The following GRB10 variants were observed in gnomAD, a reference collection of about 807,000 sequenced individuals.
The protein encoded by GRB10 is growth factor receptor-bound protein 10.
In GRB10, 20 loss-of-function variants were observed where a neutral mutation model predicts 80.9. The observed-to-expected ratio is 0.25, with a 90% confidence interval of 0.17 to 0.36. GRB10 has a LOEUF of 0.36. Ranked by LOEUF, GRB10 falls within the 10% of genes least tolerant of loss-of-function variation. GRB10 has a pLI of 1.00. For missense variants in GRB10, 548 were observed against 747.7 expected, an observed-to-expected ratio of 0.73 and a Z score of 3.12; for synonymous variants, 291 against 291.5, an observed-to-expected ratio of 1.00 and a Z score of 0.02.
At chr7:50,755,798 C>T (rs562999556) in intron 3 of GRB10, 89 bp downstream of exon 3, 9 of 398,376 alleles carry the variant, frequency 2.3e-5, no homozygotes, top group Admixed American at 1.3e-4. Context: ...TACAGTGACA[C>T]GCATTCACTG....
rs1160464063 is a variant in GRB10, at chr7:50,782,741, G to A, written c.-644C>T. Reference sequence around the variant, plus strand: ...CGCGCCACCGCCCGAGCGTGCCCGGGGGCTCCCAGCGCCATCACCACGCAG... The same window carrying A: ...CGCGCCACCGCCCGAGCGTGCCCGGAGGCTCCCAGCGCCATCACCACGCAG... On this transcript the variant is annotated 5_prime_UTR_variant, in exon 1 of 19. Coordinates refer to ENST00000401949, the MANE Select transcript of GRB10 (RefSeq NM_001350814.2). This position sits in a 1 kb window ranked among gnomAD's most constrained non-coding sequence, Gnocchi z 6.6. 2 of 152,018 alleles carry A rather than the reference G, an allele frequency of 1.3e-5. No homozygotes were observed. The highest frequency in any genetic ancestry group is 2.9e-5 in the Non-Finnish European group (2 of 67,980). The allele number at this position is 152,018 out of a possible 1,614,324, so 9.4% of individuals were successfully genotyped here. A position where few individuals can be genotyped will look rare whatever the true frequency, so the allele number is the denominator to read the frequency against.
chr7:50,667,179 T>A (rs1223092167), intron 7 of GRB10, among the ~76,000 whole-genome samples: 2 of 152,216 alleles, frequency 1.3e-5, no homozygotes, highest in African/African-American at 4.8e-5. Flanking sequence ...TCTCTACTTT[T>A]TCCTCCCGTT....
chr7:50,655,422 T>C (rs2058548209), intron 7 of GRB10, among the ~76,000 whole-genome samples: 2 of 152,180 alleles, frequency 1.3e-5, no homozygotes, highest in South Asian at 2.1e-4. Context: ...TATCTAGAAA[T>C]GACCTGAGCG....
chr7:50,691,060 C>T (rs2062758882), intron 5 of GRB10, among the ~76,000 whole-genome samples: 1 of 152,112 alleles, frequency 6.6e-6, no homozygotes, highest in African/African-American at 2.4e-5. Flanking sequence ...TCCTATCTTC[C>T]TTATTAAGAC....
chr7:50,737,999 C>T (rs933138134), intron 3 of GRB10, among the ~76,000 whole-genome samples: 5 of 152,012 alleles, frequency 3.3e-5, no homozygotes, highest in Admixed American at 6.6e-5. Context: ...TACGAATGGC[C>T]AAAACGCACA....
chr7:50,694,682 C>G, intron 5 of GRB10, among the ~76,000 whole-genome samples: 1 of 152,188 alleles, frequency 6.6e-6, no homozygotes, highest in East Asian at 1.9e-4. Context: ...GGGATGAGAC[C>G]TCAGACTCCC....
chr7:50,623,578 A>G (rs1433617466), intron 8 of GRB10, among the ~76,000 whole-genome samples: 1 of 152,220 alleles, frequency 6.6e-6, no homozygotes, highest in African/African-American at 2.4e-5. Context: ...GGTGACCAGC[A>G]TCTCAGAGGA....
intron 2 of GRB10, among the ~76,000 whole-genome samples, chr7:50,759,191 T>TAAA (rs1450827519): frequency 1.4e-5 from 1 of 72,026 alleles, no homozygotes; most frequent in Non-Finnish European, 3.3e-5. Context: ...AGACTCTGCC[T>TAAA]CAAAAAAAAA....
chr7:50,617,278 TAAC>T (rs1389669089), intron 10 of GRB10, among the ~76,000 whole-genome samples: 1 of 152,198 alleles, frequency 6.6e-6, no homozygotes, highest in African/African-American at 2.4e-5. Flanking sequence ...AATTTGGTGA[TAAC>T]AACGTAGAAA....
intron 3 of GRB10, among the ~76,000 whole-genome samples, chr7:50,737,670 G>T (rs1221831493): frequency 1.3e-5 from 2 of 152,218 alleles, no homozygotes; most frequent in African/African-American, 4.8e-5. Flanking sequence ...CCAACATGGT[G>T]AAACCCCATC....
rs142428215 is a variant in GRB10 at position 50,654,822 on chromosome 7, A to G, written c.504+14900T>C. Among the ~76,000 whole-genome samples the G allele has an allele frequency of 8.7e-3, 1,323 of 152,286 alleles. 23 individuals carry two copies. The highest frequency in any genetic ancestry group is 0.03 in the African/African-American group (1,239 of 41,534). On this transcript the variant is annotated intron_variant, in intron 7 of 18. Coordinates refer to ENST00000401949, the MANE Select transcript of GRB10 (RefSeq NM_001350814.2). Reference sequence around the variant, plus strand: ...CCTTTCCTGCTAGATGGCTTTGTGTATATTTCCTACAAACAAGAACACTCG... The same window carrying G: ...CCTTTCCTGCTAGATGGCTTTGTGTGTATTTCCTACAAACAAGAACACTCG...
intron 2 of GRB10, among the ~76,000 whole-genome samples, chr7:50,770,570 T>C (rs1364492836): frequency 6.6e-6 from 1 of 152,194 alleles, no homozygotes; most frequent in African/African-American, 2.4e-5. Flanking sequence ...AAGCCAAAAT[T>C]ATCTTCAAGA....
intron 4 of GRB10, among the ~76,000 whole-genome samples, chr7:50,722,263 T>TA (rs1352438608): frequency 6.6e-6 from 1 of 152,072 alleles, no homozygotes; most frequent in East Asian, 1.9e-4. Flanking sequence ...GCCATAAACT[T>TA]ACGTTCAAGG....
Position 50,618,063 on chromosome 7 carries a change from C to T in GRB10, c.846+8G>A, listed in dbSNP as rs375777098. ...CTATTTCAGCAGAGATCTATTGTGGCCCAGTACCTGCAAAAGCTGGGTTTG... is the reference window on the plus strand; with the variant it reads ...CTATTTCAGCAGAGATCTATTGTGGTCCAGTACCTGCAAAAGCTGGGTTTG... On this transcript the variant is annotated splice_region_variant and intron_variant, in intron 10 of 18. Transcript: ENST00000401949. 6.2e-7 allele frequency: 1 copy of T among 1,606,664 alleles called. No individual in the cohort carries two copies. The highest frequency in any genetic ancestry group is 8.5e-7 in the Non-Finnish European group (1 of 1,173,208).
At chr7:50,773,416 G>GA in intron 2 of GRB10, among the ~76,000 whole-genome samples, 1 of 72,982 alleles carries the variant, frequency 1.4e-5, no homozygotes, top group African/African-American at 3.5e-5. Flanking sequence ...AGGGGAAGGG[G>GA]ACGGGGAAGG....
chr7:50,777,058 A>G (rs181598384), intron 2 of GRB10, among the ~76,000 whole-genome samples: 3 of 147,754 alleles, frequency 2.0e-5, no homozygotes, highest in East Asian at 4.0e-4. Flanking sequence ...CTGTGCTGCT[A>G]TAACAAAATC....
At chr7:50,668,308 G>A (rs2153635376) in intron 7 of GRB10, among the ~76,000 whole-genome samples, 2 of 152,322 alleles carry the variant, frequency 1.3e-5, no homozygotes, top group Admixed American at 1.3e-4. Context: ...CTTGAGAACA[G>A]CAAAGGTAGG....
chr7:50,690,431 C>G (rs985931298), intron 5 of GRB10, among the ~76,000 whole-genome samples: 7 of 152,130 alleles, frequency 4.6e-5, no homozygotes, highest in African/African-American at 9.7e-5. Context: ...TCATTTCTAC[C>G]TAGGGGAAAT....
intron 6 of GRB10, among the ~76,000 whole-genome samples, chr7:50,673,954 T>A (rs968471739): frequency 1.3e-5 from 2 of 152,150 alleles, no homozygotes; most frequent in Admixed American, 6.5e-5. Flanking sequence ...AGCCTCCCTG[T>A]TTCCACAGAG....
Sources: gnomAD v4.1 joint callset for allele counts (sites outside exome capture counted in the v4.1 genomes callset) on GRCh38, gnomAD v4.1.1 for gene constraint, Gnocchi (gnomAD v3.1) non-coding constraint, MANE v1.5 for transcripts, NCBI Gene and HGNC (gene_info 2026-07-23, HGNC 2026-07-21) for gene names.